Variants in BCKDHB observed in about 807,000 individuals in gnomAD.
BCKDHB encodes the protein branched chain keto acid dehydrogenase E1 subunit beta.
BCKDHB carries 41 observed loss-of-function variants against 48.5 expected under a neutral mutation model. The observed-to-expected ratio is 0.85, with a 90% CI of 0.66 to 1.10. The LOEUF (loss-of-function observed/expected upper bound fraction) is 1.10. BCKDHB is among the 50% of genes least tolerant of loss of function. BCKDHB has a pLI of 0.00. For missense variants in BCKDHB, 496 were observed against 494.2 expected, an observed-to-expected ratio of 1.00 and a Z score of -0.03; for synonymous variants, 201 against 174.8, an observed-to-expected ratio of 1.15 and a Z score of -1.18.
At position 80,345,053 on chromosome 6, in the gene BCKDHB, A is replaced by G. The variant is rs1770134167; in HGVS notation, c.*1249A>G. 1 of 152,186 alleles carries G rather than the reference A, an allele frequency of 6.6e-6. No individual in the cohort carries two copies. Among genetic ancestry groups the G allele is most frequent in the South Asian group, 2.1e-4 (1 of 4,832 alleles). The allele number at this position is 152,186 out of a possible 1,614,324, so 9.4% of individuals were successfully genotyped here. A position where few individuals can be genotyped will look rare whatever the true frequency, so the allele number is the denominator to read the frequency against. On this transcript the variant is annotated 3_prime_UTR_variant, in exon 10 of 10. Transcript: ENST00000320393. ...TTCCAGAAGCTTTTTTAACAAGTGA[A>G]TATTTTTTACATAATGGATAATAAA...
chr6:80,305,094 C>T (rs1767789960), intron 9 of BCKDHB, among the ~76,000 whole-genome samples: 1 of 152,040 alleles, frequency 6.6e-6, no homozygotes, highest in Non-Finnish European at 1.5e-5. Context: ...TGATTTTCTA[C>T]ATAGAAAATC....
chr6:80,359,349 G>C, the BCKDHB span, among the ~76,000 whole-genome samples: 1 of 152,124 alleles, frequency 6.6e-6, no homozygotes, highest in Non-Finnish European at 1.5e-5. Flanking sequence ...TAAAGGCCTT[G>C]GCACAGCCAG....
chr6:80,286,258 A>G (rs990704434), intron 9 of BCKDHB, among the ~76,000 whole-genome samples: 2 of 152,212 alleles, frequency 1.3e-5, no homozygotes, highest in African/African-American at 4.8e-5. Context: ...ATTTAAAAAC[A>G]ATTTCTCCTT....
the BCKDHB span, among the ~76,000 whole-genome samples, chr6:80,365,458 A>C: frequency 6.6e-6 from 1 of 152,190 alleles, no homozygotes; most frequent in African/African-American, 2.4e-5. Flanking sequence ...TAATATTAAT[A>C]TTCCTTGCTA....
At chr6:80,397,035 A>G in the BCKDHB span, among the ~76,000 whole-genome samples, 2 of 152,238 alleles carry the variant, frequency 1.3e-5, no homozygotes, top group Non-Finnish European at 1.5e-5. Context: ...ACACTTCAGA[A>G]CTGCACCCCC....
chr6:80,111,603 C>T (rs1769412485), intron 1 of BCKDHB, among the ~76,000 whole-genome samples: 1 of 152,164 alleles, frequency 6.6e-6, no homozygotes, highest in East Asian at 1.9e-4. Context: ...TCAATTCCTG[C>T]AGGCCTGAAA....
chr6:80,385,236 T>G, the BCKDHB span, among the ~76,000 whole-genome samples: 1 of 152,168 alleles, frequency 6.6e-6, no homozygotes, highest in African/African-American at 2.4e-5. Context: ...TCTGCTAAGA[T>G]TGCCCTGAGT....
chr6:80,302,043 A>G lies in BCKDHB; in HGVS notation c.1038+28822A>G, dbSNP rs532281383. ...CTATGACAAACCCACAGCTAACATC[A>G]TACTGAATGAGCAAAAGCTGGAACC... On this transcript the variant is annotated intron_variant, in intron 9 of 9. Transcript: ENST00000320393. Among the ~76,000 whole-genome samples, 56 of 152,206 alleles carry G rather than the reference A, an allele frequency of 3.7e-4. 1 individual carries two copies. The highest frequency in any genetic ancestry group is 7.2e-4 in the Non-Finnish European group (49 of 68,014).
At chr6:80,251,585 A>G (rs1277154421) in intron 8 of BCKDHB, 1 of 152,210 alleles carries the variant, frequency 6.6e-6, no homozygotes. Context: ...TTTATTGTAT[A>G]AACCAAGAAG....
chr6:80,379,363 AT>A, the BCKDHB span, among the ~76,000 whole-genome samples: 5 of 152,122 alleles, frequency 3.3e-5, no homozygotes, highest in African/African-American at 1.2e-4. Context: ...TAGATGTAAA[AT>A]AAGTATTTGA....
At chr6:80,324,681 C>G (rs1451522631) in intron 9 of BCKDHB, among the ~76,000 whole-genome samples, 1 of 152,086 alleles carries the variant, frequency 6.6e-6, no homozygotes, top group Non-Finnish European at 1.5e-5. Flanking sequence ...CACTACCCTC[C>G]CTTCTCTCTT....
At chr6:80,404,247 T>C in the BCKDHB span, among the ~76,000 whole-genome samples, 7 of 151,982 alleles carry the variant, frequency 4.6e-5, no homozygotes, top group Non-Finnish European at 1.0e-4. Context: ...ACTGATTTAG[T>C]CTTCTTACTT....
intron 9 of BCKDHB, among the ~76,000 whole-genome samples, chr6:80,274,166 C>T (rs889320354): frequency 6.6e-6 from 1 of 151,646 alleles, no homozygotes; most frequent in Middle Eastern, 3.4e-3. Flanking sequence ...ATGATTTTTA[C>T]CAATGAAATA....
downstream of BCKDHB, among the ~76,000 whole-genome samples, chr6:80,350,392 G>GT (rs59773931): frequency 8.1e-3 from 1,219 of 149,804 alleles, 8 homozygotes; most frequent in African/African-American, 0.014. Flanking sequence ...AAAATAGTGG[G>GT]TTTTTTTTTT....
chr6:80,205,912 A>G (rs1256486600), intron 8 of BCKDHB, among the ~76,000 whole-genome samples: 1 of 151,498 alleles, frequency 6.6e-6, no homozygotes, highest in Non-Finnish European at 1.5e-5. Context: ...CCGATGACCT[A>G]TAGCTGCTTT....
chr6:80,117,394 T>C (rs1032378625), intron 1 of BCKDHB, among the ~76,000 whole-genome samples: 2 of 152,218 alleles, frequency 1.3e-5, no homozygotes, highest in Non-Finnish European at 2.9e-5. Flanking sequence ...CAATAAGATA[T>C]CATGTCATTC....
At chr6:80,322,589 C>G (rs538532079) in intron 9 of BCKDHB, among the ~76,000 whole-genome samples, 31 of 152,242 alleles carry the variant, frequency 2.0e-4, no homozygotes, top group African/African-American at 7.5e-4. Context: ...CCTTAACCAT[C>G]TTTACTTAGA....
Position 80,181,154 on chromosome 6 carries a change from A to G in BCKDHB, c.742+9764A>G, listed in dbSNP as rs141799223. Among the ~76,000 whole-genome samples, 168 of 152,312 alleles carry G rather than the reference A, an allele frequency of 1.1e-3. 1 individual carries two copies. Among genetic ancestry groups the G allele is most frequent in the Non-Finnish European group, 1.4e-3 (98 of 68,018 alleles). Reference sequence around the variant, plus strand: ...ATTCTGTCCTAGCAAAACGAAGTGGACTAAGACAATTAGGTTTGCTAAATG... The same window carrying G: ...ATTCTGTCCTAGCAAAACGAAGTGGGCTAAGACAATTAGGTTTGCTAAATG... On this transcript the variant is annotated intron_variant, in intron 6 of 9. Coordinates refer to ENST00000320393, the MANE Select transcript of BCKDHB (RefSeq NM_183050.4).
At chr6:80,256,326 T>C (rs1262890327) in intron 8 of BCKDHB, among the ~76,000 whole-genome samples, 4 of 152,186 alleles carry the variant, frequency 2.6e-5, no homozygotes, top group African/African-American at 9.6e-5. Context: ...ACTATACACC[T>C]AGGCTATATG....
Sources: gnomAD v4.1 joint callset for allele counts (sites outside exome capture counted in the v4.1 genomes callset) on GRCh38, gnomAD v4.1.1 for gene constraint, MANE v1.5 for transcripts, NCBI Gene and HGNC (gene_info 2026-07-23, HGNC 2026-07-21) for gene names.